CSGALNACT1: variants seen among roughly 807,000 people sequenced by gnomAD.
CSGALNACT1 encodes beta4GalNAcT-1.
In CSGALNACT1, 52 loss-of-function variants were observed where a neutral mutation model predicts 51.0. That is an observed-to-expected ratio of 1.02 (90% CI 0.82 to 1.29). The LOEUF (loss-of-function observed/expected upper bound fraction) is 1.29, where lower values mean the gene tolerates loss of function less well. CSGALNACT1 is among the 50% of genes most tolerant of loss of function. CSGALNACT1 has a pLI of 0.00. For missense variants in CSGALNACT1, 935 were observed against 679.2 expected (o/e 1.38, Z -4.19); for synonymous variants, 341 against 254.4 (o/e 1.34, Z -3.24).
chr8:19,593,911 T>C (rs1171194856), intron 2 of CSGALNACT1, among the ~76,000 whole-genome samples: 1 of 152,148 alleles, frequency 6.6e-6, no homozygotes, highest in Admixed American at 6.5e-5. Context: ...TTAATTTTCC[T>C]TCCCTGTCTC....
At chr8:19,716,015 A>C (rs1165656724) in intron 1 of CSGALNACT1, among the ~76,000 whole-genome samples, 1 of 152,122 alleles carries the variant, frequency 6.6e-6, no homozygotes, top group Non-Finnish European at 1.5e-5. Flanking sequence ...TGTAGTAGGG[A>C]ATGAGGGTCG....
intron 3 of CSGALNACT1, among the ~76,000 whole-genome samples, chr8:19,587,557 T>A (rs752894944): frequency 7.9e-5 from 12 of 152,214 alleles, no homozygotes; most frequent in Non-Finnish European, 1.8e-4. Flanking sequence ...AAGATGAGAC[T>A]ATGCACACAT....
At chr8:19,472,836 C>G (rs1057509370) in intron 4 of CSGALNACT1, among the ~76,000 whole-genome samples, 5 of 152,152 alleles carry the variant, frequency 3.3e-5, no homozygotes, top group Non-Finnish European at 7.4e-5. Context: ...TCATTGATAT[C>G]AATTTCTTTA....
upstream of CSGALNACT1, among the ~76,000 whole-genome samples, chr8:19,603,081 CACA>C (rs1277258647): frequency 1.5e-5 from 2 of 132,894 alleles, no homozygotes; most frequent in Non-Finnish European, 3.1e-5. Flanking sequence ...CACACACACA[CACA>C]CACAGAATTG....
intron 1 of CSGALNACT1, among the ~76,000 whole-genome samples, chr8:19,624,059 T>A (rs935573530): frequency 6.6e-6 from 1 of 152,222 alleles, no homozygotes; most frequent in Admixed American, 6.5e-5. Flanking sequence ...GTAAATTACG[T>A]GCTAAACCCT....
chr8:19,681,398 G>A (rs918651457), intron 1 of CSGALNACT1, among the ~76,000 whole-genome samples: 4 of 152,060 alleles, frequency 2.6e-5, no homozygotes, highest in East Asian at 1.9e-4. Flanking sequence ...TCTGTCCTTC[G>A]CGCCCCCATC....
At chr8:19,517,627 C>T (rs2154025924) in intron 3 of CSGALNACT1, among the ~76,000 whole-genome samples, 1 of 152,094 alleles carries the variant, frequency 6.6e-6, no homozygotes, top group African/African-American at 2.4e-5. Flanking sequence ...GCTGGGGAGG[C>T]CTCACAATCA....
intron 4 of CSGALNACT1, among the ~76,000 whole-genome samples, chr8:19,493,461 A>G (rs1428721498): frequency 7.0e-6 from 1 of 143,276 alleles, no homozygotes; most frequent in African/African-American, 2.8e-5. Context: ...TCCAAAAGAA[A>G]CTAAGTATTC....
chr8:19,435,698 T>C (rs1218766369), intron 6 of CSGALNACT1, among the ~76,000 whole-genome samples: 1 of 152,196 alleles, frequency 6.6e-6, no homozygotes, highest in Non-Finnish European at 1.5e-5. Flanking sequence ...CCACAGGTTA[T>C]TCCAAAGCAT....
chr8:19,674,854 A>G (rs2060059063), intron 1 of CSGALNACT1, among the ~76,000 whole-genome samples: 1 of 152,126 alleles, frequency 6.6e-6, no homozygotes, highest in African/African-American at 2.4e-5. Flanking sequence ...ATAAGTAGCT[A>G]ATGGCTTAGA....
rs188462148 is a variant in CSGALNACT1 at position 19,516,614 on chromosome 8, C to T, written c.-296-10484G>A. Among the ~76,000 whole-genome samples the T allele has an allele frequency of 6.6e-5, 10 of 152,344 alleles. 1 individual carries two copies. The highest frequency in any genetic ancestry group is 3.9e-4 in the Admixed American group (6 of 15,298). ...CTATCCTGACAAATAATCCCCATCC[C>T]GGTGTGAGCCTTGCTCTGTCCCTGC... On this transcript the variant is annotated intron_variant, in intron 3 of 9. Transcript: ENST00000454498.
At chr8:19,529,007 A>C (rs759654777) in intron 3 of CSGALNACT1, among the ~76,000 whole-genome samples, 24 of 152,310 alleles carry the variant, frequency 1.6e-4, no homozygotes, top group Non-Finnish European at 2.8e-4. Context: ...TGGCGAGTAG[A>C]TGGGGCTGTC....
intron 3 of CSGALNACT1, among the ~76,000 whole-genome samples, chr8:19,575,295 G>T (rs1289208224): frequency 6.6e-6 from 1 of 152,164 alleles, no homozygotes; most frequent in Non-Finnish European, 1.5e-5. Flanking sequence ...TGGGAAGTTA[G>T]CAACCTTAAT....
chr8:19,697,926 C>T, intron 1 of CSGALNACT1, among the ~76,000 whole-genome samples: 1 of 152,100 alleles, frequency 6.6e-6, no homozygotes, highest in East Asian at 1.9e-4. Flanking sequence ...GAGATGGTGT[C>T]CCAGGAAGCA....
intron 3 of CSGALNACT1, among the ~76,000 whole-genome samples, chr8:19,565,668 C>G (rs373600794): frequency 6.6e-6 from 1 of 152,206 alleles, no homozygotes; most frequent in East Asian, 1.9e-4. Flanking sequence ...CCTGTAATCC[C>G]AGCACTTTGG....
At chr8:19,466,213 G>A (rs904284969) in intron 4 of CSGALNACT1, among the ~76,000 whole-genome samples, 2 of 152,202 alleles carry the variant, frequency 1.3e-5, no homozygotes, top group Non-Finnish European at 2.9e-5. Flanking sequence ...AGGCAGAAAT[G>A]CTGAGAGTGG....
At chr8:19,435,874 T>C (rs1353038713) in intron 6 of CSGALNACT1, among the ~76,000 whole-genome samples, 1 of 152,168 alleles carries the variant, frequency 6.6e-6, no homozygotes, top group African/African-American at 2.4e-5. Flanking sequence ...CGCATCCTTA[T>C]GCAGCACACA....
intron 3 of CSGALNACT1, among the ~76,000 whole-genome samples, chr8:19,563,963 C>A (rs2041365846): frequency 1.3e-5 from 2 of 152,072 alleles, no homozygotes; most frequent in Admixed American, 6.5e-5. Flanking sequence ...GTTTCTGAAG[C>A]TGGACGTTCT....
upstream of CSGALNACT1, among the ~76,000 whole-genome samples, chr8:19,606,878 G>A (rs760328605): frequency 3.9e-5 from 6 of 152,196 alleles, no homozygotes; most frequent in Admixed American, 6.5e-5. Flanking sequence ...AAGTGTAGCC[G>A]GGCACGGTGG....
Sources: allele counts gnomAD v4.1 joint callset (sites outside exome capture counted in the v4.1 genomes callset), GRCh38; gene constraint gnomAD v4.1.1; transcripts MANE v1.5; gene names NCBI Gene and HGNC (gene_info 2026-07-23, HGNC 2026-07-21).